Variants in PARD3B observed in about 807,000 individuals in gnomAD.
The protein encoded by PARD3B is par-3 family cell polarity regulator beta.
A neutral mutation model predicts 130.2 loss-of-function variants in PARD3B; 103 were observed. The ratio of observed to expected loss-of-function variants is 0.79; its 90% CI spans 0.67 to 0.93. The LOEUF (loss-of-function observed/expected upper bound fraction) is 0.93, where lower values mean the gene tolerates loss of function less well. PARD3B is among the 40% of genes least tolerant of loss of function. The probability of loss-of-function intolerance (pLI) is 0.00; values close to 1 mark genes in which losing one functional copy is unlikely to be tolerated. For synonymous variants in PARD3B, 583 were observed against 553.2 expected (o/e 1.05, Z -0.76); for missense variants, 1,609 against 1,499.2 (o/e 1.07, Z -1.21).
At chr2:204,991,695 A>C (rs1693696320) in intron 3 of PARD3B, among the ~76,000 whole-genome samples, 1 of 150,592 alleles carries the variant, frequency 6.6e-6, no homozygotes, top group Non-Finnish European at 1.5e-5. Flanking sequence ...TCCCACCAAC[A>C]GTGTAAAAGT....
intron 2 of PARD3B, among the ~76,000 whole-genome samples, chr2:204,739,378 G>A (rs1327677769): frequency 3.3e-5 from 5 of 152,156 alleles, no homozygotes; most frequent in Non-Finnish European, 2.9e-5. Flanking sequence ...TTATTGAAAT[G>A]AGTATGTTGG....
chr2:205,059,830 C>T (rs895209019), intron 4 of PARD3B, among the ~76,000 whole-genome samples: 1 of 152,040 alleles, frequency 6.6e-6, no homozygotes, highest in African/African-American at 2.4e-5. Flanking sequence ...CGAGTAGCCA[C>T]GTAATACTAC....
chr2:204,904,141 A>G (rs1041043297), intron 2 of PARD3B, among the ~76,000 whole-genome samples: 13 of 152,182 alleles, frequency 8.5e-5, no homozygotes, highest in Admixed American at 3.3e-4. Context: ...GTTCAATTCA[A>G]TATTACTCTT....
At chr2:204,659,996 T>C (rs1000893552) in intron 1 of PARD3B, among the ~76,000 whole-genome samples, 1 of 152,172 alleles carries the variant, frequency 6.6e-6, no homozygotes, top group African/African-American at 2.4e-5. Context: ...TCAGTCTACA[T>C]GGGGACCTCA....
rs141719009 is a variant in PARD3B at position 205,087,946 on chromosome 2, T to C, written c.505-16480T>C. 4.6e-3 allele frequency among the ~76,000 whole-genome samples: 708 copies of C among 152,328 alleles called. 7 individuals carry two copies. The highest frequency in any genetic ancestry group is 0.016 in the African/African-American group (679 of 41,574). On this transcript the variant is annotated intron_variant, in intron 4 of 22. Transcript: ENST00000406610. ...AAAATACTTAAAGTGCATCTTCTAATGTGACAGTGTAATCATAAGGACATC... is the reference window on the plus strand; with the variant it reads ...AAAATACTTAAAGTGCATCTTCTAACGTGACAGTGTAATCATAAGGACATC...
At chr2:204,866,182 A>G (rs1463843786) in intron 2 of PARD3B, among the ~76,000 whole-genome samples, 1 of 152,184 alleles carries the variant, frequency 6.6e-6, no homozygotes. Flanking sequence ...CCAGTGGAGA[A>G]AGAATGAATC....
chr2:204,871,038 A>T (rs1030565085), intron 2 of PARD3B, among the ~76,000 whole-genome samples: 10 of 152,182 alleles, frequency 6.6e-5, no homozygotes, highest in Non-Finnish European at 1.5e-4. Context: ...ATATATAATC[A>T]TACATACATA....
At position 205,616,063 on chromosome 2, in the gene PARD3B, G is replaced by A. The variant is rs111299083; in HGVS notation, c.*250G>A. ...AACAAAACTACCTGATAGTTGAAACGCTTTCAGAGTTGTTCAAATCAGTGA... is the reference window on the plus strand; with the variant it reads ...AACAAAACTACCTGATAGTTGAAACACTTTCAGAGTTGTTCAAATCAGTGA... On this transcript the variant is annotated 3_prime_UTR_variant, in exon 23 of 23. Coordinates refer to ENST00000406610, the MANE Select transcript of PARD3B (RefSeq NM_001302769.2). 3 of 495,692 alleles carry A rather than the reference G, an allele frequency of 6.1e-6. No homozygotes were observed. The highest frequency in any genetic ancestry group is 3.3e-5 in the East Asian group (1 of 30,120). 30.7% of individuals were successfully genotyped at this position (495,692 alleles called of 1,614,324 possible). A position where few individuals can be genotyped will look rare whatever the true frequency, so the allele number is the denominator to read the frequency against.
intron 21 of PARD3B, among the ~76,000 whole-genome samples, chr2:205,522,158 AT>A (rs2051098253): frequency 6.6e-6 from 1 of 150,538 alleles, no homozygotes; most frequent in Non-Finnish European, 1.5e-5. Context: ...TTTTACATTT[AT>A]TTTTACTTAA....
chr2:204,745,674 A>G (rs1332190780), intron 2 of PARD3B, among the ~76,000 whole-genome samples: 1 of 152,082 alleles, frequency 6.6e-6, no homozygotes, highest in Non-Finnish European at 1.5e-5. Context: ...AAGTGCTTGG[A>G]TTACAGGCAT....
At chr2:204,941,840 G>GTA (rs200089937) in intron 2 of PARD3B, among the ~76,000 whole-genome samples, 4,636 of 151,982 alleles carry the variant, frequency 0.031, 95 homozygotes, top group African/African-American at 0.053. Context: ...CTGAGTGTGT[G>GTA]TGTATATATA....
At chr2:204,930,250 GT>G (rs1687933859) in intron 2 of PARD3B, among the ~76,000 whole-genome samples, 1 of 150,924 alleles carries the variant, frequency 6.6e-6, no homozygotes, top group Non-Finnish European at 1.5e-5. Context: ...GAGTACAGTG[GT>G]CCCCTCAGTA....
Position 205,525,951 on chromosome 2 carries a change from C to A in PARD3B, c.3180+25920C>A, listed in dbSNP as rs907567656. Among the ~76,000 whole-genome samples, 4 of 152,186 alleles carry A rather than the reference C, an allele frequency of 2.6e-5. No individual in the cohort carries two copies. The highest frequency in any genetic ancestry group is 9.6e-5 in the African/African-American group (4 of 41,452). ...CAGTCTTACTCTGATTTTCATGACACCCCCACCCTGCCCTTGCTTCTCGCA... is the reference window on the plus strand; with the variant it reads ...CAGTCTTACTCTGATTTTCATGACAACCCCACCCTGCCCTTGCTTCTCGCA... On this transcript the variant is annotated intron_variant, in intron 21 of 22. Coordinates refer to ENST00000406610, the MANE Select transcript of PARD3B (RefSeq NM_001302769.2). This position sits in a 1 kb window ranked among gnomAD's most constrained non-coding sequence, Gnocchi z 4.2.
chr2:204,703,471 A>G (rs956902541), intron 2 of PARD3B, among the ~76,000 whole-genome samples: 7 of 152,206 alleles, frequency 4.6e-5, no homozygotes, highest in African/African-American at 1.7e-4. Flanking sequence ...ATGCTCTTGT[A>G]AAAATACAGA....
Position 205,176,838 on chromosome 2 carries a change from G to T in PARD3B, c.1924+261G>T, listed in dbSNP as rs529068512. ...ATGGAGGGTTATATATAAAACAAAC[G>T]ATCACTGGAGAATCAAAGATGGCAA... On this transcript the variant is annotated intron_variant, in intron 13 of 22. Coordinates refer to ENST00000406610, the MANE Select transcript of PARD3B (RefSeq NM_001302769.2). This position sits in a 1 kb window ranked among gnomAD's most constrained non-coding sequence, Gnocchi z 5.3. Among the ~76,000 whole-genome samples the T allele has an allele frequency of 6.6e-6, 1 of 152,144 alleles. No homozygotes were observed. The highest frequency in any genetic ancestry group is 1.9e-4 in the East Asian group (1 of 5,182).
At chr2:205,042,744 G>A (rs1214466603) in intron 3 of PARD3B, among the ~76,000 whole-genome samples, 3 of 151,868 alleles carry the variant, frequency 2.0e-5, no homozygotes, top group Non-Finnish European at 4.4e-5. Context: ...GTACTGAAAT[G>A]TTCCTCATTT....
At position 205,397,495 on chromosome 2, in the gene PARD3B, G is replaced by A. The variant is rs1379649449; in HGVS notation, c.2631-3518G>A. Among the ~76,000 whole-genome samples, 2 of 152,120 alleles carry A rather than the reference G, an allele frequency of 1.3e-5. No homozygotes were observed. The highest frequency in any genetic ancestry group is 2.9e-5 in the Non-Finnish European group (2 of 68,018). On this transcript the variant is annotated intron_variant, in intron 18 of 22. Coordinates refer to ENST00000406610, the MANE Select transcript of PARD3B (RefSeq NM_001302769.2). The surrounding 1 kb of genome is among the most constrained non-coding windows in gnomAD (Gnocchi z 4.8). ...GAGCTATTGCTGAACTGCAGTACAA[G>A]TCAAACATTTTAGCTACCAGAAACA...
chr2:204,744,705 A>C (rs1462308704), intron 2 of PARD3B, among the ~76,000 whole-genome samples: 3 of 152,164 alleles, frequency 2.0e-5, no homozygotes, highest in African/African-American at 7.2e-5. Flanking sequence ...AGTTGAACTT[A>C]ATTCCTGAGT....
intron 1 of PARD3B, among the ~76,000 whole-genome samples, chr2:204,630,992 G>A (rs2034659507): frequency 6.6e-6 from 1 of 152,022 alleles, no homozygotes; most frequent in African/African-American, 2.4e-5. Context: ...ATTTCTGCTA[G>A]CTTTGGGGTT....
Sources: gnomAD v4.1 joint callset for allele counts (sites outside exome capture counted in the v4.1 genomes callset) on GRCh38, gnomAD v4.1.1 for gene constraint, Gnocchi (gnomAD v3.1) non-coding constraint, MANE v1.5 for transcripts, NCBI Gene and HGNC (gene_info 2026-07-23, HGNC 2026-07-21) for gene names.